TAF12: variants seen among roughly 807,000 people sequenced by gnomAD.
TAF12 encodes the protein transcription initiation factor TFIID subunit 12.
A neutral mutation model predicts 20.8 loss-of-function variants in TAF12; 3 were observed. That is an observed-to-expected ratio of 0.14 (90% CI 0.07 to 0.37). The LOEUF is 0.37. TAF12 is among the 10% of genes least tolerant of loss of function. The pLI is 1.00. For synonymous variants in TAF12, 69 were observed against 70.2 expected, an observed-to-expected ratio of 0.98 and a Z score of 0.09; for missense variants, 131 against 197.9, an observed-to-expected ratio of 0.66 and a Z score of 2.03.
intron 2 of TAF12, among the ~76,000 whole-genome samples, chr1:28,619,441 T>C (rs1570311144): frequency 7.2e-6 from 1 of 139,056 alleles, no homozygotes; most frequent in South Asian, 2.3e-4. Context: ...GAGCTTGCAG[T>C]GAGACGAGAT....
intron 1 of TAF12, among the ~76,000 whole-genome samples, chr1:28,636,785 A>G (rs1667840229): frequency 6.6e-6 from 1 of 152,004 alleles, no homozygotes; most frequent in Non-Finnish European, 1.5e-5. Flanking sequence ...TGGGTGACAA[A>G]GCAAGACCCT....
At chr1:28,610,048 C>T (rs1666800572) in intron 4 of TAF12, among the ~76,000 whole-genome samples, 1 of 151,836 alleles carries the variant, frequency 6.6e-6, no homozygotes, top group Admixed American at 6.6e-5. Context: ...AAGATCTTGG[C>T]TCACTGCGAC....
chr1:28,625,980 C>T (rs1557467136), intron 1 of TAF12, among the ~76,000 whole-genome samples: 1 of 151,304 alleles, frequency 6.6e-6, no homozygotes, highest in Admixed American at 6.6e-5. Context: ...ACACTCAGCC[C>T]CGTCTCTTTT....
chr1:28,620,976 T>C (rs1044868517), intron 2 of TAF12, among the ~76,000 whole-genome samples: 7 of 152,338 alleles, frequency 4.6e-5, no homozygotes, highest in African/African-American at 1.7e-4. Context: ...CTACCCATCC[T>C]GTCCCCTTAC....
At chr1:28,637,423 T>C (rs1225718593) in intron 1 of TAF12, among the ~76,000 whole-genome samples, 1 of 151,954 alleles carries the variant, frequency 6.6e-6, no homozygotes, top group Admixed American at 6.6e-5. Flanking sequence ...TCCTAGAACT[T>C]TGGGAGGCCG....
intron 1 of TAF12, among the ~76,000 whole-genome samples, chr1:28,632,470 C>T (rs1203308558): frequency 2.0e-5 from 3 of 151,944 alleles, no homozygotes; most frequent in Admixed American, 6.6e-5. Flanking sequence ...GTGCAGAGAT[C>T]GCACCATTGC....
At chr1:28,619,969 G>A (rs543549940) in intron 2 of TAF12, among the ~76,000 whole-genome samples, 58 of 151,044 alleles carry the variant, frequency 3.8e-4, no homozygotes, top group Non-Finnish European at 8.1e-4. Flanking sequence ...AAGAGAGAGA[G>A]ACAGACAGAG....
chr1:28,645,939 A>C (rs1668174219), upstream of TAF12, among the ~76,000 whole-genome samples: 1 of 151,118 alleles, frequency 6.6e-6, no homozygotes, highest in Non-Finnish European at 1.5e-5. Context: ...CTGCACTCCA[A>C]CCTGGGCAAC....
intron 1 of TAF12, among the ~76,000 whole-genome samples, chr1:28,633,480 T>A (rs1277429055): frequency 1.3e-5 from 2 of 148,350 alleles, no homozygotes; most frequent in Non-Finnish European, 3.0e-5. Flanking sequence ...AAATAAATTT[T>A]AAAAAGTAAA....
Position 28,627,125 on chromosome 1 carries a change from G to A in TAF12, c.-84-4960C>T, listed in dbSNP as rs143876930. On this transcript the variant is annotated intron_variant, in intron 1 of 5. Transcript: ENST00000373824. ...GTGGAGGCTGGGTGCAGTGGCTCAC[G>A]CCGGTAATCCCAGCACTGTGGGAGG... Among the ~76,000 whole-genome samples the A allele has an allele frequency of 3.4e-3, 519 of 152,136 alleles. 2 individuals carry two copies. The highest frequency in any genetic ancestry group is 0.012 in the African/African-American group (495 of 41,524).
intron 4 of TAF12, among the ~76,000 whole-genome samples, chr1:28,609,075 T>A (rs574814220): frequency 2.6e-4 from 40 of 152,254 alleles, no homozygotes; most frequent in Middle Eastern, 3.4e-3. Flanking sequence ...ATATAATCTT[T>A]TTTATTTATT....
At chr1:28,632,983 C>T (rs1221091423) in intron 1 of TAF12, among the ~76,000 whole-genome samples, 1 of 151,930 alleles carries the variant, frequency 6.6e-6, no homozygotes, top group Admixed American at 6.6e-5. Flanking sequence ...CCTGTCTCAG[C>T]CTCCCAAGTA....
At chr1:28,640,844 G>A (rs1668005741) in intron 1 of TAF12, among the ~76,000 whole-genome samples, 1 of 152,074 alleles carries the variant, frequency 6.6e-6, no homozygotes, top group South Asian at 2.1e-4. Flanking sequence ...GGGAGGCCAA[G>A]GCGGGAGAAT....
chr1:28,620,279 G>A (rs766283471), intron 2 of TAF12, among the ~76,000 whole-genome samples: 10 of 151,292 alleles, frequency 6.6e-5, no homozygotes, highest in Middle Eastern at 3.4e-3. Flanking sequence ...GACTACAGGT[G>A]TGCACCACCA....
chr1:28,612,342 T>G lies in TAF12; in HGVS notation c.361+905A>C, dbSNP rs1666886587. Among the ~76,000 whole-genome samples, 4 of 151,266 alleles carry G rather than the reference T, an allele frequency of 2.6e-5. No homozygotes were observed. The South Asian group carries it at 8.3e-4, about 31-fold the overall frequency. ...GTGCAGGCCTGTAGTCCCAGCTACT[T>G]AGGAGGCTGAGGCAGGAGAATCGCT... is the stretch of plus-strand genomic sequence containing the variant. On this transcript the variant is annotated intron_variant, in intron 4 of 5. Coordinates refer to ENST00000373824, the MANE Select transcript of TAF12 (RefSeq NM_005644.4).
At chr1:28,645,256 C>T (rs1290852314), upstream of TAF12, among the ~76,000 whole-genome samples, 2 of 150,802 alleles carry the variant, frequency 1.3e-5, no homozygotes, top group South Asian at 2.1e-4. Context: ...AGGATGGTCT[C>T]GATCTCCTGA....
chr1:28,613,176 G>T, intron 4 of TAF12, 71 bp downstream of exon 4: 2 of 1,338,798 alleles, frequency 1.5e-6, no homozygotes, highest in Non-Finnish European at 2.0e-6. Context: ...AGGTTCCTCT[G>T]ACTACACTTT....
At chr1:28,644,397 G>A (rs1668132840), upstream of TAF12, among the ~76,000 whole-genome samples, 1 of 152,160 alleles carries the variant, frequency 6.6e-6, no homozygotes, top group Non-Finnish European at 1.5e-5. Context: ...TTATTTCCTT[G>A]CCACTGCTCT....
chr1:28,609,652 A>C (rs949470978), intron 4 of TAF12, among the ~76,000 whole-genome samples: 1 of 150,866 alleles, frequency 6.6e-6, no homozygotes, highest in African/African-American at 2.4e-5. Context: ...ACGCTCAGCT[A>C]ATTTTTGTAT....
Sources: allele counts gnomAD v4.1 joint callset (sites outside exome capture counted in the v4.1 genomes callset), GRCh38; gene constraint gnomAD v4.1.1; transcripts MANE v1.5; gene names NCBI Gene and HGNC (gene_info 2026-07-23, HGNC 2026-07-21).